CACNA1A: variants seen among roughly 807,000 people sequenced by gnomAD.
CACNA1A encodes the protein voltage-dependent P/Q-type calcium channel subunit alpha-1A.
In CACNA1A, 57 loss-of-function variants were observed where a neutral mutation model predicts 262.4. The observed-to-expected ratio is 0.22, with a 90% CI of 0.18 to 0.27. CACNA1A has a LOEUF of 0.27. Ranked by LOEUF, CACNA1A falls within the 10% of genes least tolerant of loss-of-function variation. The pLI is 1.00. For missense variants in CACNA1A, 2,526 were observed against 3,562.8 expected, an observed-to-expected ratio of 0.71 and a Z score of 7.41; for synonymous variants, 1,431 against 1,419.3, an observed-to-expected ratio of 1.01 and a Z score of -0.18.
chr19:13,320,245 A>T (rs1216466395), intron 10 of CACNA1A, among the ~76,000 whole-genome samples: 10 of 147,102 alleles, frequency 6.8e-5, no homozygotes, highest in African/African-American at 2.4e-4. Flanking sequence ...ATCGAGAGAG[A>T]GAGAGAGAGA....
chr19:13,449,028 G>A (rs139904759), intron 3 of CACNA1A, among the ~76,000 whole-genome samples: 2,199 of 151,558 alleles, frequency 0.015, 21 homozygotes, highest in Non-Finnish European at 0.022. Context: ...GTGCAGTGGT[G>A]CAATCACGGA....
chr19:13,483,909 T>G (rs1979663912), intron 1 of CACNA1A, among the ~76,000 whole-genome samples: 2 of 152,202 alleles, frequency 1.3e-5, no homozygotes, highest in Non-Finnish European at 2.9e-5. Flanking sequence ...CCCACTGACC[T>G]CACAGCAAGT....
rs1158217708 is a variant in CACNA1A, at chr19:13,207,985, G to T, written c.6849C>A (p.Arg2283=). The change falls in exon 47 of 47, where the codon CGC becomes CGA. Residue 2283 remains arginine (R), a synonymous_variant. Coordinates refer to ENST00000360228, the MANE Select transcript of CACNA1A (RefSeq NM_001127222.2). The surrounding 1 kb of genome is among the most constrained non-coding windows in gnomAD (Gnocchi z 5.7). ...TSGTSTPRRG[R]RQLPQTPSTP... ...TGGAGGGGGTCTGGGGGAGCTGGCGGCGGCCCCGCCGCGGAGTGCTGGTAC... is the reference window on the plus strand; with the variant it reads ...TGGAGGGGGTCTGGGGGAGCTGGCGTCGGCCCCGCCGCGGAGTGCTGGTAC... The T allele has an allele frequency of 7.5e-7, 1 of 1,335,112 alleles. No homozygotes were observed. The allele number at this position is 1,335,112 out of a possible 1,614,324, so 82.7% of individuals were successfully genotyped here. A position where few individuals can be genotyped will look rare whatever the true frequency, so the allele number is the denominator to read the frequency against.
chr19:13,383,103 G>T (rs1158111335), intron 3 of CACNA1A, among the ~76,000 whole-genome samples: 1 of 152,172 alleles, frequency 6.6e-6, no homozygotes, highest in South Asian at 2.1e-4. Flanking sequence ...ACGGAGTGAT[G>T]TTCATTCATT....
chr19:13,401,914 C>A (rs1041696992), intron 3 of CACNA1A, among the ~76,000 whole-genome samples: 4 of 152,134 alleles, frequency 2.6e-5, no homozygotes, highest in Non-Finnish European at 4.4e-5. Flanking sequence ...TGGGGTCAAG[C>A]GACCCTCCCA....
intron 1 of CACNA1A, among the ~76,000 whole-genome samples, chr19:13,474,386 C>G (rs1161883328): frequency 6.6e-6 from 1 of 152,136 alleles, no homozygotes; most frequent in East Asian, 1.9e-4. Flanking sequence ...TCCCATAAGA[C>G]TCAAGGAAGA....
intron 22 of CACNA1A, among the ~76,000 whole-genome samples, chr19:13,281,296 T>C (rs899689183): frequency 6.7e-6 from 1 of 150,346 alleles, no homozygotes; most frequent in East Asian, 2.0e-4. Context: ...GAGGATCACT[T>C]GAGCCCGGGA....
At chr19:13,230,716 A>C (rs1429664272) in intron 35 of CACNA1A, among the ~76,000 whole-genome samples, 1 of 152,046 alleles carries the variant, frequency 6.6e-6, no homozygotes, top group African/African-American at 2.4e-5. Flanking sequence ...TTGAAGCTGA[A>C]GAATCGGTTG....
intron 3 of CACNA1A, among the ~76,000 whole-genome samples, chr19:13,372,460 TGGTGCCTGGCCTG>T (rs2059341191): frequency 6.6e-6 from 1 of 152,110 alleles, no homozygotes; most frequent in Non-Finnish European, 1.5e-5. Flanking sequence ...GCGTGAGCCA[TGGTGCCTGGCCTG>T]GTTTGTGGCT....
intron 27 of CACNA1A, 119 bp downstream of exon 27, chr19:13,259,445 T>TACA: frequency 1.1e-6 from 1 of 871,344 alleles, no homozygotes; most frequent in Non-Finnish European, 1.7e-6. Flanking sequence ...GTGTTGGGAT[T>TACA]ACAGGCGTGA....
At chr19:13,305,310 G>T (rs1470158934) in intron 15 of CACNA1A, among the ~76,000 whole-genome samples, 1 of 152,108 alleles carries the variant, frequency 6.6e-6, no homozygotes, top group Non-Finnish European at 1.5e-5. Context: ...CAGTTCCTTG[G>T]GGGCAGAGCA....
At chr19:13,393,715 T>TTCTG (rs140971116) in intron 3 of CACNA1A, among the ~76,000 whole-genome samples, 37,359 of 140,438 alleles carry the variant, frequency 0.27, 6,366 homozygotes, top group East Asian at 0.48. Flanking sequence ...CTCTCTCTCT[T>TTCTG]TCTGTCTTCC....
At chr19:13,295,499 T>C (rs183033923) in intron 19 of CACNA1A, among the ~76,000 whole-genome samples, 103 of 151,580 alleles carry the variant, frequency 6.8e-4, no homozygotes, top group South Asian at 5.2e-3. Context: ...TTCTTTCTTT[T>C]TTTTTTTTTT....
chr19:13,239,489 C>G (rs1452219237), intron 31 of CACNA1A, among the ~76,000 whole-genome samples: 3 of 152,130 alleles, frequency 2.0e-5, no homozygotes, highest in Non-Finnish European at 4.4e-5. Context: ...TAAGAGGGGA[C>G]AGTAATGGTG....
At chr19:13,246,611 C>G (rs2056241000) in intron 30 of CACNA1A, among the ~76,000 whole-genome samples, 1 of 151,286 alleles carries the variant, frequency 6.6e-6, no homozygotes, top group Non-Finnish European at 1.5e-5. Flanking sequence ...AGGGGAAACA[C>G]AAGCATAACC....
chr19:13,490,722 AAAGAAAGAAAGAGAAAAG>A (rs879259090), intron 1 of CACNA1A, among the ~76,000 whole-genome samples: 2,471 of 117,860 alleles, frequency 0.021, 143 homozygotes, highest in East Asian at 0.19. Context: ...AGAAAGAAAG[AAAGAAAGAAAGAGAAAAG>A]AAAGAAAGAA....
chr19:13,475,981 A>G (rs1197191934), intron 1 of CACNA1A, among the ~76,000 whole-genome samples: 1 of 152,188 alleles, frequency 6.6e-6, no homozygotes. Flanking sequence ...ATATGAGGCT[A>G]TATAAGGAGG....
At chr19:13,328,242 G>GT (rs2145105397) in intron 10 of CACNA1A, among the ~76,000 whole-genome samples, 1 of 152,272 alleles carries the variant, frequency 6.6e-6, no homozygotes, top group East Asian at 1.9e-4. Flanking sequence ...AACGTAACAC[G>GT]TGAGACAGAC....
rs979628560 is a variant in CACNA1A at position 13,245,393 on chromosome 19, C to T, written c.4867-128G>A. ...AGTGCCCGGGACAGTTATGGTTGTT[C>T]GAAGGGCTGCGGTAAAGGCTGTTCG... On this transcript the variant is annotated intron_variant, in intron 30 of 46. Transcript: ENST00000360228. The T allele has an allele frequency of 2.1e-5, 15 of 719,438 alleles. No individual in the cohort carries two copies. In the East Asian group the frequency reaches 2.1e-4, roughly 10 times the overall value. 44.6% of individuals were successfully genotyped at this position (719,438 alleles called of 1,614,324 possible).
Sources: allele counts gnomAD v4.1 joint callset (sites outside exome capture counted in the v4.1 genomes callset), GRCh38; gene constraint gnomAD v4.1.1; non-coding constraint Gnocchi (gnomAD v3.1); transcripts MANE v1.5; gene names NCBI Gene and HGNC (gene_info 2026-07-23, HGNC 2026-07-21).